PCDHA5: variants seen among roughly 807,000 people sequenced by gnomAD.
The protein encoded by PCDHA5 is protocadherin alpha-5.
A neutral mutation model predicts 61.6 loss-of-function variants in PCDHA5; 43 were observed. That is an observed-to-expected ratio of 0.70 (90% confidence interval 0.55 to 0.90). PCDHA5 has a LOEUF of 0.90. PCDHA5 is among the 40% of genes least tolerant of loss of function. The pLI, the probability that PCDHA5 is intolerant of heterozygous loss-of-function variation, is 0.00. For missense variants in PCDHA5, 1,298 were observed against 1,222.7 expected, an observed-to-expected ratio of 1.06 and a Z score of -0.92; for synonymous variants, 627 against 543.9, an observed-to-expected ratio of 1.15 and a Z score of -2.13.
chr5:140,849,833 C>A, intron 1 of PCDHA5: 1 of 1,598,398 alleles, frequency 6.3e-7, no homozygotes, highest in South Asian at 1.1e-5. Context: ...TGGAGGTGGC[C>A]GACGTGAACG....
chr5:140,822,336 A>G lies in PCDHA5; in HGVS notation c.561A>G (p.Glu187=). Residue 187 remains glutamate, a synonymous_variant, in exon 1 of 4, where the codon GAA becomes GAG. Transcript: ENST00000529859. ...FDLDVKTNEE[E]TNFLELVLRK... ...TAGATGTTAAAACAAATGAAGAAGA[A>G]ACGAACTTTTTAGAGCTGGTTTTGA... 1 of 1,614,204 alleles carries G rather than the reference A, an allele frequency of 6.2e-7. No individual in the cohort carries two copies. Among genetic ancestry groups the G allele is most frequent in the Non-Finnish European group, 8.5e-7 (1 of 1,180,028 alleles).
intron 1 of PCDHA5, chr5:140,868,455 A>C (rs2050469160): frequency 6.6e-6 from 1 of 152,444 alleles, no homozygotes; most frequent in Non-Finnish European, 1.5e-5. Flanking sequence ...TAAACACTAA[A>C]GAGCTGCTTT....
intron 1 of PCDHA5, among the ~76,000 whole-genome samples, chr5:140,954,141 T>C (rs1344784554): frequency 2.0e-5 from 3 of 152,208 alleles, no homozygotes; most frequent in Non-Finnish European, 4.4e-5. Flanking sequence ...TGCATAGTAT[T>C]CCATGGTGTA....
intron 1 of PCDHA5, among the ~76,000 whole-genome samples, chr5:140,941,211 C>CT (rs59928198): frequency 0.24 from 30,589 of 127,372 alleles, 3,669 homozygotes; most frequent in South Asian, 0.38. Context: ...TCCTTTCTTT[C>CT]TTCCTTTCTT....
At chr5:140,958,139 A>T (rs1196467618) in intron 1 of PCDHA5, among the ~76,000 whole-genome samples, 2 of 152,112 alleles carry the variant, frequency 1.3e-5, no homozygotes, top group African/African-American at 2.4e-5. Context: ...CAGTGTGTAT[A>T]TTTATATAGC....
intron 1 of PCDHA5, among the ~76,000 whole-genome samples, chr5:140,890,263 A>G (rs1357896634): frequency 6.6e-6 from 1 of 152,194 alleles, no homozygotes; most frequent in Admixed American, 6.5e-5. Flanking sequence ...ACCTGATTGC[A>G]AGCAAGAACC....
intron 1 of PCDHA5, among the ~76,000 whole-genome samples, chr5:140,962,849 T>G (rs1434907172): frequency 6.6e-6 from 1 of 152,214 alleles, no homozygotes; most frequent in Non-Finnish European, 1.5e-5. Context: ...ATATAACTTG[T>G]GCTCGGTTTG....
intron 1 of PCDHA5, among the ~76,000 whole-genome samples, chr5:140,971,377 T>C (rs2096474353): frequency 6.6e-6 from 1 of 152,210 alleles, no homozygotes; most frequent in African/African-American, 2.4e-5. Flanking sequence ...AGTGCATGAC[T>C]TTAATAAAGG....
At chr5:140,891,428 C>G (rs2063097176) in intron 1 of PCDHA5, among the ~76,000 whole-genome samples, 1 of 149,620 alleles carries the variant, frequency 6.7e-6, no homozygotes, top group Admixed American at 6.7e-5. Flanking sequence ...CCCCAAGTCC[C>G]CAACGTCCAT....
chr5:140,928,785 G>A, intron 1 of PCDHA5: 1 of 1,614,144 alleles, frequency 6.2e-7, no homozygotes, highest in Middle Eastern at 1.6e-4. Context: ...ATGCAGTTAA[G>A]CAGAGGGTGG....
At chr5:140,863,248 G>A (rs782700291) in intron 1 of PCDHA5, 2 of 1,396,062 alleles carry the variant, frequency 1.4e-6, no homozygotes, top group Non-Finnish European at 9.8e-7. Flanking sequence ...TTTGGCGGGC[G>A]TCGAGGTCCG....
At chr5:140,912,613 T>C in intron 1 of PCDHA5, among the ~76,000 whole-genome samples, 1 of 152,290 alleles carries the variant, frequency 6.6e-6, no homozygotes, top group Middle Eastern at 3.4e-3. Flanking sequence ...TCTTGTCTGA[T>C]TACTCTGGAT....
chr5:140,910,551 T>G (rs1330218807), intron 1 of PCDHA5, among the ~76,000 whole-genome samples: 1 of 152,178 alleles, frequency 6.6e-6, no homozygotes, highest in East Asian at 1.9e-4. Flanking sequence ...TTGCAAAGTA[T>G]TAGTCAAGGA....
intron 1 of PCDHA5, among the ~76,000 whole-genome samples, chr5:140,840,661 C>T (rs1401967763): frequency 6.6e-6 from 1 of 151,916 alleles, no homozygotes; most frequent in East Asian, 1.9e-4. Flanking sequence ...AGAATATGCA[C>T]ATACATTTTT....
chr5:140,847,566 G>A (rs1309857788), intron 1 of PCDHA5: 2 of 149,184 alleles, frequency 1.3e-5, no homozygotes, highest in African/African-American at 4.9e-5. Context: ...ATTGCCCCGA[G>A]TACTAAGGAT....
At chr5:140,856,935 A>T in intron 1 of PCDHA5, 1 of 1,594,236 alleles carries the variant, frequency 6.3e-7, no homozygotes, top group Non-Finnish European at 8.6e-7. Context: ...TGGATAAACG[A>T]AAGGACGGGA....
chr5:140,949,111 T>C (rs1316111436), intron 1 of PCDHA5, among the ~76,000 whole-genome samples: 1 of 151,772 alleles, frequency 6.6e-6, no homozygotes, highest in African/African-American at 2.4e-5. Context: ...AGTTTACAAA[T>C]ATTTTTGGTT....
intron 1 of PCDHA5, chr5:140,968,964 G>A (rs782792392): frequency 7.4e-6 from 12 of 1,614,136 alleles, no homozygotes; most frequent in East Asian, 4.5e-5. Context: ...AAGTGCTACC[G>A]CTACACTGCG....
intron 1 of PCDHA5, chr5:140,871,243 C>G (rs1246479266): frequency 6.2e-7 from 1 of 1,613,862 alleles, no homozygotes; most frequent in African/African-American, 1.3e-5. Context: ...GGTACTCACG[C>G]TGCTGCTGTA....
Sources: allele counts gnomAD v4.1 joint callset (sites outside exome capture counted in the v4.1 genomes callset), GRCh38; gene constraint gnomAD v4.1.1; transcripts MANE v1.5; gene names NCBI Gene and HGNC (gene_info 2026-07-23, HGNC 2026-07-21).